DCPH1: variants seen among roughly 807,000 people sequenced by gnomAD.
DCPH1 encodes the protein damage-control phosphatase 1.
At chr6:151,456,792 AG>A in the DCPH1 span, among the ~76,000 whole-genome samples, 3 of 152,196 alleles carry the variant, frequency 2.0e-5, no homozygotes, top group Admixed American at 2.0e-4. Flanking sequence ...CTGGCATTAC[AG>A]GCGTGAGCCA....
chr6:151,460,926 G>A, the DCPH1 span, among the ~76,000 whole-genome samples: 2 of 152,190 alleles, frequency 1.3e-5, no homozygotes, highest in Non-Finnish European at 1.5e-5. Context: ...TGAAATGTAG[G>A]CGTTGTTATG....
At chr6:151,461,195 A>G in the DCPH1 span, among the ~76,000 whole-genome samples, 1 of 152,228 alleles carries the variant, frequency 6.6e-6, no homozygotes, top group African/African-American at 2.4e-5. Flanking sequence ...GTGTTGAAAG[A>G]CTGGGTGGCA....
At chr6:151,455,953 C>G in the DCPH1 span, among the ~76,000 whole-genome samples, 1 of 152,388 alleles carries the variant, frequency 6.6e-6, no homozygotes, top group East Asian at 1.9e-4. Context: ...AAGGAGTATG[C>G]TGCCTTCAAG....
chr6:151,454,485 AAGAT>A, the DCPH1 span: 6 of 797,438 alleles, frequency 7.5e-6, no homozygotes, highest in Non-Finnish European at 1.3e-5. Context: ...CAGAAACTAA[AAGAT>A]AGCCAGTCTT....
At chr6:151,455,767 C>T in the DCPH1 span, among the ~76,000 whole-genome samples, 4 of 152,106 alleles carry the variant, frequency 2.6e-5, no homozygotes, top group Admixed American at 6.5e-5. Context: ...TTACGGGTGT[C>T]GGGCTGGGGG....
the DCPH1 span, among the ~76,000 whole-genome samples, chr6:151,467,858 A>T: frequency 3.4e-3 from 519 of 152,326 alleles, 3 homozygotes; most frequent in African/African-American, 0.011. Context: ...CAGTTTTTTA[A>T]ATTTTACAAA....
the DCPH1 span, chr6:151,454,493 C>A: frequency 1.2e-6 from 1 of 818,130 alleles, no homozygotes; most frequent in Non-Finnish European, 2.1e-6. Flanking sequence ...AAAAGATAGC[C>A]AGTCTTCTAG....
At chr6:151,459,554 G>A in the DCPH1 span, among the ~76,000 whole-genome samples, 6 of 152,204 alleles carry the variant, frequency 3.9e-5, no homozygotes, top group African/African-American at 1.2e-4. Flanking sequence ...CACTTTGGGA[G>A]GCTAAGGCAG....
chr6:151,452,511 A>T, the DCPH1 span: 1 of 1,610,022 alleles, frequency 6.2e-7, no homozygotes. Context: ...CGGCGATTGA[A>T]CAGCCGAGCT....
At chr6:151,465,154 T>C in the DCPH1 span, among the ~76,000 whole-genome samples, 1 of 152,198 alleles carries the variant, frequency 6.6e-6, no homozygotes, top group East Asian at 1.9e-4. Flanking sequence ...TACTCGGGTA[T>C]TCAGTTGGCC....
At chr6:151,452,738 C>T in the DCPH1 span, 5 of 728,970 alleles carry the variant, frequency 6.9e-6, no homozygotes, top group South Asian at 5.8e-5. Context: ...GCGGGTTTCG[C>T]GGACTGGCTC....
At chr6:151,454,207 G>A in the DCPH1 span, among the ~76,000 whole-genome samples, 1 of 152,162 alleles carries the variant, frequency 6.6e-6, no homozygotes, top group Admixed American at 6.5e-5. Flanking sequence ...ACAAGAGCCT[G>A]TTTGATTTCT....
At chr6:151,458,606 G>C in the DCPH1 span, 1 of 1,517,628 alleles carries the variant, frequency 6.6e-7, no homozygotes, top group Non-Finnish European at 8.9e-7. Context: ...CAAATGTTTA[G>C]ATAATTTATA....
chr6:151,453,054 AT>A, the DCPH1 span, among the ~76,000 whole-genome samples: 1 of 152,236 alleles, frequency 6.6e-6, no homozygotes, highest in East Asian at 1.9e-4. Flanking sequence ...TGCAAATAAC[AT>A]CCATTTGCAT....
At chr6:151,454,729 A>G in the DCPH1 span, 1 of 704,746 alleles carries the variant, frequency 1.4e-6, no homozygotes, top group Non-Finnish European at 2.4e-6. Context: ...GAAGGTATCA[A>G]TTTTCCTTTA....
the DCPH1 span, among the ~76,000 whole-genome samples, chr6:151,455,334 C>T: frequency 2.6e-5 from 4 of 152,192 alleles, no homozygotes; most frequent in Admixed American, 2.0e-4. Context: ...GGGGAACCAG[C>T]GTTCAGCATA....
chr6:151,452,874 C>T, the DCPH1 span: 1 of 340,784 alleles, frequency 2.9e-6, no homozygotes. Flanking sequence ...CTTTAATAGA[C>T]GCGCTTTGGG....
the DCPH1 span, chr6:151,468,444 C>T: frequency 3.1e-6 from 5 of 1,612,058 alleles, no homozygotes; most frequent in South Asian, 5.5e-5. Flanking sequence ...TAAAACCTTT[C>T]ATTTTATTGA....
chr6:151,459,428 A>G, the DCPH1 span, among the ~76,000 whole-genome samples: 7 of 147,658 alleles, frequency 4.7e-5, no homozygotes, highest in South Asian at 2.1e-4. Flanking sequence ...AAAAGTACAC[A>G]TGTTTCAAAG....
Sources: allele counts gnomAD v4.1 joint callset (sites outside exome capture counted in the v4.1 genomes callset), GRCh38; gene constraint gnomAD v4.1.1; transcripts MANE v1.5; gene names NCBI Gene and HGNC (gene_info 2026-07-23, HGNC 2026-07-21).